KHNYN: variants seen among roughly 807,000 people sequenced by gnomAD.
KHNYN encodes the protein KH and NYN domain containing, also known as protein KHNYN.
A neutral mutation model predicts 62.7 loss-of-function variants in KHNYN; 42 were observed. That is an observed-to-expected ratio of 0.67 (90% CI 0.52 to 0.87). The LOEUF (loss-of-function observed/expected upper bound fraction) is 0.87. Ranked by LOEUF, KHNYN falls within the 40% of genes least tolerant of loss-of-function variation. The probability of loss-of-function intolerance (pLI) is 0.00; values close to 1 mark genes in which losing one functional copy is unlikely to be tolerated. For synonymous variants in KHNYN, 347 were observed against 345.6 expected, an observed-to-expected ratio of 1.00 and a Z score of -0.04; for missense variants, 829 against 874.1, an observed-to-expected ratio of 0.95 and a Z score of 0.65.
At position 24,440,432 on chromosome 14, in the gene KHNYN, C is replaced by T. The variant is rs754687896; in HGVS notation, c.*3147C>T. 2 of 1,612,650 alleles carry T rather than the reference C, an allele frequency of 1.2e-6. No homozygotes were observed. The highest frequency in any genetic ancestry group is 2.2e-5 in the South Asian group (2 of 90,810). ...GCCTGAGCCGATGGGGCCCCCCAGG[C>T]CCAGGCGAAAGGGCAGCAGCATGTG... On this transcript the variant is annotated 3_prime_UTR_variant, in exon 8 of 8. Coordinates refer to ENST00000553935, the MANE Select transcript of KHNYN (RefSeq NM_015299.3).
rs746801508 is a variant in KHNYN, at chr14:24,432,054, C to T, written c.793C>T (p.Pro265Ser). The change falls in exon 3 of 8, where the codon CCC (proline) becomes TCC (serine). Residue 265 changes from proline to serine, a missense_variant. Pro to Ser is a moderately conservative substitution (Grantham distance 74). This residue lies in a region of KHNYN where 559 missense variants were observed against 527.0 expected (regional missense o/e 1.06). Coordinates refer to ENST00000553935, the MANE Select transcript of KHNYN (RefSeq NM_015299.3). The surrounding 1 kb of genome is among the most constrained non-coding windows in gnomAD (Gnocchi z 5.6). ...VEKEGGKQGG[P>S]REMDWGWKEL... is the part of the protein sequence containing the mutation. ...GAAGGAGGGAGGGAAACAGGGTGGTCCCAGGGAGATGGATTGGGGGTGGAA... is the reference window on the plus strand; with the variant it reads ...GAAGGAGGGAGGGAAACAGGGTGGTTCCAGGGAGATGGATTGGGGGTGGAA... 53 of 1,588,542 alleles carry T rather than the reference C, an allele frequency of 3.3e-5. No homozygotes were observed. The Admixed American group carries it at 8.5e-4, about 26-fold the overall frequency.
chr14:24,432,986 C>T lies in KHNYN; in HGVS notation c.1531C>T (p.Pro511Ser). The T allele has an allele frequency of 6.2e-7, 1 of 1,614,204 alleles. No homozygotes were observed. The highest frequency in any genetic ancestry group is 8.5e-7 in the Non-Finnish European group (1 of 1,180,020). ...LYSLSLLSLT[P>S]SRVMDGKRIS... ...TTCCCTCAGCCTGCTCTCCCTCACACCCTCACGAGTCATGGATGGCAAGAG... is the reference window on the plus strand; with the variant it reads ...TTCCCTCAGCCTGCTCTCCCTCACATCCTCACGAGTCATGGATGGCAAGAG... The change falls in exon 5 of 8, where the codon CCC becomes TCC. Residue 511 changes from proline (P) to serine (S), a missense_variant. Transcript: ENST00000553935. This position sits in a 1 kb window ranked among gnomAD's most constrained non-coding sequence, Gnocchi z 5.6.
chr14:24,431,722 C>T lies in KHNYN; in HGVS notation c.461C>T (p.Ala154Val), dbSNP rs759731667. 1 of 1,614,216 alleles carries T rather than the reference C, an allele frequency of 6.2e-7. No homozygotes were observed. The highest frequency in any genetic ancestry group is 2.2e-5 in the East Asian group (1 of 44,888). ...WDFTPGPSSG[A>V]SQCTGVLRDF... ...TTCACGCCAGGACCATCTTCCGGAGCCTCTCAGTGTACTGGAGTGCTGAGA... is the reference window on the plus strand; with the variant it reads ...TTCACGCCAGGACCATCTTCCGGAGTCTCTCAGTGTACTGGAGTGCTGAGA... The change falls in exon 3 of 8, where the codon GCC (alanine) becomes GTC (valine). Residue 154 changes from alanine (A) to valine (V), a missense_variant. This residue lies in a region of KHNYN where 559 missense variants were observed against 527.0 expected (regional missense o/e 1.06). Transcript: ENST00000553935.
At chr14:24,427,923 G>A (rs771981227), upstream of KHNYN, 7 of 1,613,938 alleles carry the variant, frequency 4.3e-6, no homozygotes, top group South Asian at 2.2e-5. The surrounding 1 kb of genome is among the most constrained non-coding windows in gnomAD (Gnocchi z 4.4). Flanking sequence ...GCTGCCTCCC[G>A]GGTCACGTCA....
chr14:24,432,283 C>A lies in KHNYN; in HGVS notation c.1022C>A (p.Ala341Asp). 2 of 1,613,850 alleles carry A rather than the reference C, an allele frequency of 1.2e-6. No individual in the cohort carries two copies. Among genetic ancestry groups the A allele is most frequent in the Non-Finnish European group, 1.7e-6 (2 of 1,179,844 alleles). The change falls in exon 3 of 8, where the codon GCC (alanine) becomes GAC (aspartate). Residue 341 changes from alanine (A) to aspartate (D), a missense_variant. Ala to Asp is a moderately radical substitution (Grantham distance 126). This residue lies in a region of KHNYN where 559 missense variants were observed against 527.0 expected (regional missense o/e 1.06). Transcript: ENST00000553935. The surrounding 1 kb of genome is among the most constrained non-coding windows in gnomAD (Gnocchi z 5.6). Reference sequence around the variant, plus strand: ...CACAGGGCAGCTCAGTCCCGAGGAGCCTCCCTCCTCCAGCGGCTCCACAAT... The same window carrying A: ...CACAGGGCAGCTCAGTCCCGAGGAGACTCCCTCCTCCAGCGGCTCCACAAT... The part of the protein sequence containing the change: ...SCHRAAQSRG[A>D]SLLQRLHNGN...
rs1172328668 is a variant in KHNYN at position 24,430,747 on chromosome 14, C to T, written c.17C>T (p.Ala6Val). Residue 6 changes from alanine to valine, a missense_variant, in exon 2 of 8, where the codon GCC (alanine) becomes GTC (valine). Coordinates refer to ENST00000553935, the MANE Select transcript of KHNYN (RefSeq NM_015299.3). ...GCAGCAGCCATGCCTACCTGGGGGG[C>T]CCGCCCCGCGTCCCCAGATCGCTTT... MPTWG[A>V]RPASPDRFAV... 1.3e-6 allele frequency: 2 copies of T among 1,568,740 alleles called. No individual in the cohort carries two copies. The highest frequency in any genetic ancestry group is 1.7e-6 in the Non-Finnish European group (2 of 1,156,620).
At chr14:24,428,854 T>A, upstream of KHNYN, 2 of 1,611,472 alleles carry the variant, frequency 1.2e-6, no homozygotes, top group Non-Finnish European at 1.7e-6. Flanking sequence ...GCCCAGGGGG[T>A]GCCTCTCCCA....
chr14:24,424,310 A>G (rs569199186), upstream of KHNYN, among the ~76,000 whole-genome samples: 3 of 152,372 alleles, frequency 2.0e-5, no homozygotes, highest in African/African-American at 4.8e-5. Context: ...TTCACCTTCT[A>G]AAATGATTAA....
rs568771147 is a variant in KHNYN, at chr14:24,436,900, G to C, written c.1788-136G>C. On this transcript the variant is annotated intron_variant, in intron 7 of 7. Transcript: ENST00000553935. ...AGAAGTGGGTTGATACTGCCACTCA[G>C]TGGTCAGCTTCAGGAACTTCAGGAT... 6 of 1,168,120 alleles carry C rather than the reference G, an allele frequency of 5.1e-6. No homozygotes were observed. The Admixed American group carries it at 9.1e-5, about 18-fold the overall frequency. The allele number at this position is 1,168,120 out of a possible 1,614,324, so 72.4% of individuals were successfully genotyped here.
At chr14:24,427,912 G>T, upstream of KHNYN, 1 of 1,614,022 alleles carries the variant, frequency 6.2e-7, no homozygotes, top group Non-Finnish European at 8.5e-7. This position sits in a 1 kb window ranked among gnomAD's most constrained non-coding sequence, Gnocchi z 4.4. Flanking sequence ...CAGAGCTGGT[G>T]GCTGCCTCCC....
chr14:24,431,320 T>G, intron 2 of KHNYN, 143 bp from the exon 3 acceptor site: 1 of 658,990 alleles, frequency 1.5e-6, no homozygotes, highest in Non-Finnish European at 2.5e-6. Context: ...GTGATGGGAG[T>G]CTCAGTTTCC....
chr14:24,431,419 G>A (rs2043109048), intron 2 of KHNYN, 44 bp from the exon 3 acceptor site: 8 of 1,499,576 alleles, frequency 5.3e-6, no homozygotes, highest in Admixed American at 2.0e-5. Flanking sequence ...GGTGATCTGG[G>A]CCAGTTAGTT....
At chr14:24,434,936 A>G (rs990078134) in intron 5 of KHNYN, among the ~76,000 whole-genome samples, 1 of 152,182 alleles carries the variant, frequency 6.6e-6, no homozygotes, top group Non-Finnish European at 1.5e-5. Flanking sequence ...CACTACAGGA[A>G]CTCAGAGGGA....
chr14:24,431,383 T>C (rs1031424922), intron 2 of KHNYN, 80 bp from the exon 3 acceptor site: 40 of 1,158,596 alleles, frequency 3.5e-5, no homozygotes, highest in Non-Finnish European at 4.7e-5. Context: ...ATCCTGGAGC[T>C]CAGGAGCGAG....
upstream of KHNYN, chr14:24,429,805 C>G (rs1398352089): frequency 4.7e-6 from 5 of 1,073,676 alleles, no homozygotes; most frequent in Non-Finnish European, 5.7e-6. Context: ...TGGTGAGAAG[C>G]GCAAGGGGCG....
chr14:24,423,326 G>A, the KHNYN span, among the ~76,000 whole-genome samples: 1 of 152,292 alleles, frequency 6.6e-6, no homozygotes, highest in African/African-American at 2.4e-5. Context: ...AGCTGCTGAA[G>A]GGAAGGAGTG....
chr14:24,433,285 G>A (rs1052067151), intron 5 of KHNYN, among the ~76,000 whole-genome samples: 1 of 152,196 alleles, frequency 6.6e-6, no homozygotes, highest in Admixed American at 6.5e-5. Context: ...TTTATATAGT[G>A]CCTTACTGTC....
intron 2 of KHNYN, among the ~76,000 whole-genome samples, 178 bp from the exon 3 acceptor site, chr14:24,431,285 G>A (rs2043106920): frequency 6.6e-6 from 1 of 152,178 alleles, no homozygotes; most frequent in Admixed American, 6.5e-5. Context: ...GGGGTTCCAG[G>A]ATGGCTCAAT....
rs774390018 is a variant in KHNYN, at chr14:24,432,574, G to A, written c.1313G>A (p.Arg438His). 12 of 1,608,868 alleles carry A rather than the reference G, an allele frequency of 7.5e-6. No individual in the cohort carries two copies. Among genetic ancestry groups the A allele is most frequent in the South Asian group, 3.3e-5 (3 of 90,774 alleles). ...AATGTGCCTGGCCAGCCAGACCTCCGCCATATTGTCATTGACGGCAGCAAC... is the reference window on the plus strand; with the variant it reads ...AATGTGCCTGGCCAGCCAGACCTCCACCATATTGTCATTGACGGCAGCAAC... ...LANVPGQPDL[R>H]HIVIDGSNVA... The change falls in exon 3 of 8, where the codon CGC becomes CAC. Residue 438 changes from arginine to histidine, a missense_variant. Physicochemically the swap from Arg to His is conservative, Grantham distance 29. Transcript: ENST00000553935. This position sits in a 1 kb window ranked among gnomAD's most constrained non-coding sequence, Gnocchi z 5.6.
Sources: gnomAD v4.1 joint callset for allele counts (sites outside exome capture counted in the v4.1 genomes callset) on GRCh38, gnomAD v4.1.1 for gene constraint, gnomAD v4.1.1 regional missense constraint, Gnocchi (gnomAD v3.1) non-coding constraint, MANE v1.5 for transcripts, NCBI Gene and HGNC (gene_info 2026-07-23, HGNC 2026-07-21) for gene names.